ASIC2: variants seen among roughly 807,000 people sequenced by gnomAD.
The protein encoded by ASIC2 is acid sensing ion channel subunit 2.
In ASIC2, 25 loss-of-function variants were observed where a neutral mutation model predicts 57.3. That is an observed-to-expected ratio of 0.44 (90% CI 0.32 to 0.61). The LOEUF (loss-of-function observed/expected upper bound fraction) is 0.61, where lower values mean the gene tolerates loss of function less well. ASIC2 is among the 20% of genes least tolerant of loss of function. The pLI is 0.06. For missense variants in ASIC2, 641 were observed against 738.1 expected (o/e 0.87, Z 1.52); for synonymous variants, 319 against 307.5 (o/e 1.04, Z -0.39).
chr17:33,741,302 T>C (rs752214217), intron 1 of ASIC2, among the ~76,000 whole-genome samples: 1 of 152,378 alleles, frequency 6.6e-6, no homozygotes, highest in Non-Finnish European at 1.5e-5. Context: ...AATTGCTGCA[T>C]GTCACTGACT....
chr17:33,798,865 C>G (rs2142142632), intron 1 of ASIC2, among the ~76,000 whole-genome samples: 1 of 152,236 alleles, frequency 6.6e-6, no homozygotes, highest in South Asian at 2.1e-4. Context: ...CAGCCCTGGG[C>G]TGGGGAGATT....
At chr17:33,870,234 T>G (rs995957172) in intron 1 of ASIC2, among the ~76,000 whole-genome samples, 3 of 133,868 alleles carry the variant, frequency 2.2e-5, no homozygotes, top group Admixed American at 7.5e-5. Context: ...GTTTTTTTTT[T>G]TTTTTTTTTT....
chr17:33,361,502 A>G (rs1316297722), intron 1 of ASIC2, among the ~76,000 whole-genome samples: 1 of 152,036 alleles, frequency 6.6e-6, no homozygotes, highest in Non-Finnish European at 1.5e-5. Context: ...ACAAGAACCA[A>G]CTTCTGGAAG....
chr17:33,042,166 C>A (rs2091932502), intron 3 of ASIC2, among the ~76,000 whole-genome samples: 1 of 152,126 alleles, frequency 6.6e-6, no homozygotes, highest in Non-Finnish European at 1.5e-5. Flanking sequence ...AAATCAAATC[C>A]ACCAATCAGC....
rs574513564 is a variant in ASIC2 at position 33,183,046 on chromosome 17, T to C, written c.709-70979A>G. 5.0e-3 allele frequency among the ~76,000 whole-genome samples: 764 copies of C among 152,296 alleles called. 12 individuals carry two copies. Among genetic ancestry groups the C allele is most frequent in the Non-Finnish European group, 4.4e-3 (300 of 68,018 alleles). ...CGCTATTGTTTTCATCTTCCCCATT[T>C]TACAGGTAAAGAAAATGAGGTTTGG... is the stretch of plus-strand genomic sequence containing the variant. On this transcript the variant is annotated intron_variant, in intron 1 of 9. Transcript: ENST00000225823.
chr17:33,696,448 TC>T (rs1278259425), intron 1 of ASIC2, among the ~76,000 whole-genome samples: 1 of 152,236 alleles, frequency 6.6e-6, no homozygotes, highest in Non-Finnish European at 1.5e-5. Context: ...CTGATAAGGT[TC>T]TTTTCTTTTT....
At chr17:33,350,346 G>C (rs561303134) in intron 1 of ASIC2, among the ~76,000 whole-genome samples, 1 of 152,130 alleles carries the variant, frequency 6.6e-6, no homozygotes, top group Non-Finnish European at 1.5e-5. Context: ...CTGTGTTCAC[G>C]ATCCTTGGGC....
intron 1 of ASIC2, among the ~76,000 whole-genome samples, chr17:33,363,267 A>T (rs554921419): frequency 6.6e-6 from 1 of 152,336 alleles, no homozygotes; most frequent in East Asian, 1.9e-4. Flanking sequence ...AGCAGAAGAC[A>T]GCCTGCACCC....
At chr17:33,579,288 A>C (rs1408955563) in intron 1 of ASIC2, among the ~76,000 whole-genome samples, 1 of 144,156 alleles carries the variant, frequency 6.9e-6, no homozygotes, top group Non-Finnish European at 1.5e-5. Flanking sequence ...CTGTGTCTCA[A>C]AAAAAAAAAA....
At chr17:33,380,953 GC>G (rs1909466655) in intron 1 of ASIC2, among the ~76,000 whole-genome samples, 3 of 152,120 alleles carry the variant, frequency 2.0e-5, no homozygotes, top group Non-Finnish European at 2.9e-5. Flanking sequence ...GCCTAGAATT[GC>G]CCCAGTGAGA....
rs534568657 is a variant in ASIC2, at chr17:33,324,792, C to A, written c.556-212725G>T. Among the ~76,000 whole-genome samples, 4 of 152,280 alleles carry A rather than the reference C, an allele frequency of 2.6e-5. No homozygotes were observed. In the South Asian group the frequency reaches 8.3e-4, roughly 32 times the overall value. ...TGTTTCTGTCTCCCAAAGAAAAAAA[C>A]CATGGGAAAGGAGATATGAAGCCCA... On this transcript the variant is annotated intron_variant, in intron 1 of 9. Coordinates refer to the ASIC2 transcript ENST00000359872.
intron 3 of ASIC2, chr17:33,052,810 A>G (rs1005593): frequency 0.92 from 139,775 of 152,290 alleles, 64,228 homozygotes; most frequent in African/African-American, 0.97. Flanking sequence ...CCTTCTTCCT[A>G]GGCTGACTGC....
chr17:33,779,516 G>A (rs1911384468), intron 1 of ASIC2, among the ~76,000 whole-genome samples: 1 of 152,210 alleles, frequency 6.6e-6, no homozygotes, highest in Non-Finnish European at 1.5e-5. Flanking sequence ...TTTGTCCCGT[G>A]TTCAGAATGA....
intron 1 of ASIC2, among the ~76,000 whole-genome samples, chr17:33,843,362 A>T (rs999690428): frequency 1.3e-5 from 2 of 152,246 alleles, no homozygotes; most frequent in Non-Finnish European, 2.9e-5. Flanking sequence ...CAAGAAAAAA[A>T]TATCTTTCTT....
intron 1 of ASIC2, among the ~76,000 whole-genome samples, chr17:33,307,101 C>G (rs1021852794): frequency 2.0e-5 from 3 of 152,316 alleles, no homozygotes; most frequent in African/African-American, 7.2e-5. Flanking sequence ...TCCTACCCTA[C>G]AAACGCTTTG....
rs749985710 is a variant in ASIC2, at chr17:33,133,681, T to C, written c.709-21614A>G. ...GGCAGTTCAAGAAATAGGGAAGTTA[T>C]GAAATGCAGCGGCAAGGTAGGTCCG... On this transcript the variant is annotated intron_variant, in intron 1 of 9. Coordinates refer to ENST00000225823, the MANE Select transcript of ASIC2 (RefSeq NM_183377.2). 4.6e-5 allele frequency among the ~76,000 whole-genome samples: 7 copies of C among 152,310 alleles called. No individual in the cohort carries two copies. In the South Asian group the frequency reaches 1.0e-3, roughly 23 times the overall value.
chr17:33,147,829 T>C (rs1904624280), intron 1 of ASIC2, among the ~76,000 whole-genome samples: 2 of 152,282 alleles, frequency 1.3e-5, no homozygotes, highest in South Asian at 4.2e-4. Context: ...GGACCCCAAT[T>C]TAGCTCCTAC....
chr17:33,550,974 T>A (rs1355760178), intron 1 of ASIC2, among the ~76,000 whole-genome samples: 1 of 152,198 alleles, frequency 6.6e-6, no homozygotes, highest in South Asian at 2.1e-4. Context: ...GTGGGCTTAA[T>A]GCAAAGCTAA....
chr17:33,776,989 G>A (rs1025594587), intron 1 of ASIC2, among the ~76,000 whole-genome samples: 28 of 151,900 alleles, frequency 1.8e-4, no homozygotes, highest in Admixed American at 6.6e-5. Flanking sequence ...CTCCCCTTCC[G>A]AGCCCTGCGA....
Sources: gnomAD v4.1 joint callset for allele counts (sites outside exome capture counted in the v4.1 genomes callset) on GRCh38, gnomAD v4.1.1 for gene constraint, MANE v1.5 for transcripts, NCBI Gene and HGNC (gene_info 2026-07-23, HGNC 2026-07-21) for gene names.